Variants in STK40 observed in about 807,000 individuals in gnomAD.
STK40 encodes serine/threonine kinase 40.
A neutral mutation model predicts 47.9 loss-of-function variants in STK40; 13 were observed. The ratio of observed to expected loss-of-function variants is 0.27; its 90% CI spans 0.18 to 0.43. STK40 has a LOEUF of 0.43. Among genes scored for constraint, STK40 ranks in the 20% least tolerant of loss-of-function variants. The probability of loss-of-function intolerance (pLI) is 1.00; values close to 1 mark genes in which losing one functional copy is unlikely to be tolerated. For synonymous variants in STK40, 225 were observed against 243.2 expected, an observed-to-expected ratio of 0.93 and a Z score of 0.69; for missense variants, 460 against 595.1, an observed-to-expected ratio of 0.77 and a Z score of 2.36.
chr1:36,371,990 C>T (rs1467803868), intron 1 of STK40, among the ~76,000 whole-genome samples: 4 of 152,122 alleles, frequency 2.6e-5, no homozygotes, highest in East Asian at 1.9e-4. Context: ...GAGCAAGACT[C>T]CGTCTCAAAA....
intron 1 of STK40, among the ~76,000 whole-genome samples, chr1:36,370,758 A>G (rs1388007933): frequency 1.3e-5 from 2 of 152,184 alleles, no homozygotes; most frequent in African/African-American, 4.8e-5. Context: ...ATGATCCCTC[A>G]ATATCCATGG....
At chr1:36,359,533 G>A (rs950480230) in intron 2 of STK40, among the ~76,000 whole-genome samples, 1 of 152,254 alleles carries the variant, frequency 6.6e-6, no homozygotes, top group Non-Finnish European at 1.5e-5. Flanking sequence ...CCCTGTCCAA[G>A]TGCCAGCTTT....
intron 2 of STK40, among the ~76,000 whole-genome samples, chr1:36,360,415 A>C (rs1283235145): frequency 2.6e-5 from 4 of 152,214 alleles, no homozygotes; most frequent in Non-Finnish European, 4.4e-5. Flanking sequence ...GTGCCAATTT[A>C]AATAAATTTG....
At chr1:36,351,359 T>G (rs1242326564) in intron 6 of STK40, among the ~76,000 whole-genome samples, 2 of 151,984 alleles carry the variant, frequency 1.3e-5, no homozygotes, top group Non-Finnish European at 2.9e-5. Context: ...ACTGCTCCAG[T>G]GGAGTTATAG....
intron 9 of STK40, 33 bp downstream of exon 9, chr1:36,343,827 G>C: frequency 6.5e-7 from 1 of 1,549,306 alleles, no homozygotes; most frequent in South Asian, 1.2e-5. Flanking sequence ...TGAGGACGCA[G>C]CCTTGTGCCC....
Position 36,355,326 on chromosome 1 carries a change from G to A in STK40, c.450C>T (p.Ser150=), listed in dbSNP as rs11263875. 0.11 allele frequency: 178,859 copies of A among 1,614,040 alleles called. 10,665 individuals are homozygous for A. Among genetic ancestry groups the A allele is most frequent in the Middle Eastern group, 0.21 (1,296 of 6,060 alleles). ...GGTTGATGAGGTCAGCGGTCTTATC[G>A]CTGAAGTCATGAGCACAGAGGCAGT... The part of the protein sequence containing the change: ...VLDCLCAHDF[S]DKTADLINLQ... Residue 150 remains serine, a synonymous_variant, in exon 5 of 11, where the codon AGC becomes AGT. Transcript: ENST00000373132.
intron 7 of STK40, among the ~76,000 whole-genome samples, chr1:36,346,853 C>CTGCA (rs1646706844): frequency 6.6e-6 from 1 of 152,188 alleles, no homozygotes; most frequent in African/African-American, 2.4e-5. Flanking sequence ...AGCCTGAGCC[C>CTGCA]TGCAAACAGG....
chr1:36,360,054 CCTT>C (rs1646838362), intron 2 of STK40, among the ~76,000 whole-genome samples: 1 of 152,160 alleles, frequency 6.6e-6, no homozygotes, highest in Admixed American at 6.5e-5. Context: ...CGTGGAACTT[CCTT>C]CAAGGCACTT....
At position 36,358,256 on chromosome 1, in the gene STK40, G is replaced by T; in HGVS notation, c.325C>A (p.His109Asn). The T allele has an allele frequency of 6.3e-7, 1 of 1,593,882 alleles. No homozygotes were observed. The change falls in exon 4 of 11, where the codon CAC (histidine) becomes AAC (asparagine). Residue 109 changes from histidine (H) to asparagine (N), a missense_variant. By Grantham distance (68) the His-to-Asn change is moderately conservative. This residue lies in a region of STK40 where 277 missense variants were observed against 358.7 expected (regional missense o/e 0.77). Coordinates refer to ENST00000373132, the MANE Select transcript of STK40 (RefSeq NM_001282547.2). ...LLHTQDGVVH[H>N]HGLFQDRTCE... Reference sequence around the variant, plus strand: ...CCGCTCACCTGGAAGAGGCCGTGGTGGTGCACCACGCCATCCTGCGTGTGC... The same window carrying T: ...CCGCTCACCTGGAAGAGGCCGTGGTTGTGCACCACGCCATCCTGCGTGTGC...
intron 1 of STK40, among the ~76,000 whole-genome samples, chr1:36,376,015 T>TC (rs1158289829): frequency 6.9e-6 from 1 of 144,148 alleles, no homozygotes; most frequent in African/African-American, 2.6e-5. Context: ...AGAGCAAAAC[T>TC]CCATCTCAAA....
intron 2 of STK40, among the ~76,000 whole-genome samples, chr1:36,360,038 C>T (rs942671662): frequency 3.1e-4 from 47 of 152,200 alleles, no homozygotes; most frequent in Admixed American, 2.4e-3. Context: ...TCTCATCTCA[C>T]GTCATCGTGG....
Position 36,343,875 on chromosome 1 carries a change from G to A in STK40, c.989C>T (p.Ala330Val). Residue 330 changes from alanine (A) to valine (V), a missense_variant, in exon 9 of 11, where the codon GCC (alanine) becomes GTC (valine). Physicochemically the swap from Ala to Val is moderately conservative, Grantham distance 64. Coordinates refer to ENST00000373132, the MANE Select transcript of STK40 (RefSeq NM_001282547.2). ...GTCCACTTACCATGATGCAATGATG[G>A]CACTGAGGGCCTCCAGGACGTCGGC... ...AAADVLEALS[A>V]IIASWQSLSS... 6.3e-7 allele frequency: 1 copy of A among 1,599,684 alleles called. No homozygotes were observed. Among genetic ancestry groups the A allele is most frequent in the Non-Finnish European group, 8.5e-7 (1 of 1,169,960 alleles).
intron 1 of STK40, among the ~76,000 whole-genome samples, chr1:36,363,193 C>T (rs911945432): frequency 6.6e-6 from 1 of 151,928 alleles, no homozygotes; most frequent in African/African-American, 2.4e-5. Flanking sequence ...GGGCGCCTGT[C>T]TCGGGAGGCT....
chr1:36,342,193 A>G (rs1330453439), intron 10 of STK40: 7 of 577,212 alleles, frequency 1.2e-5, no homozygotes, highest in Non-Finnish European at 2.2e-5. Context: ...CGCCCTGCGG[A>G]CCCGGGACTG....
intron 1 of STK40, among the ~76,000 whole-genome samples, chr1:36,363,062 C>T (rs1001166235): frequency 6.6e-6 from 1 of 151,952 alleles, no homozygotes; most frequent in Admixed American, 6.6e-5. Flanking sequence ...GGCTGAGGCA[C>T]GAGAATCGCT....
intron 2 of STK40, among the ~76,000 whole-genome samples, chr1:36,359,749 T>C (rs553123584): frequency 6.6e-6 from 1 of 152,358 alleles, no homozygotes; most frequent in South Asian, 2.1e-4. Flanking sequence ...AACTCCTTTG[T>C]CTGGCCCCCA....
intron 1 of STK40, among the ~76,000 whole-genome samples, chr1:36,384,586 T>C (rs1004737611): frequency 6.6e-6 from 1 of 152,230 alleles, no homozygotes; most frequent in Non-Finnish European, 1.5e-5. Flanking sequence ...AGCTGGAAAG[T>C]TGCTGAGCCA....
Position 36,361,963 on chromosome 1 carries a change from C to A in STK40, c.-8-623G>T, listed in dbSNP as rs1557516010. On this transcript the variant is annotated intron_variant, in intron 1 of 10. Coordinates refer to ENST00000373132, the MANE Select transcript of STK40 (RefSeq NM_001282547.2). ...GGTCCTCTCAGATGAAAGAACCCCC[C>A]AAAGTTGTCAATGGCAGGGTTTACT... 2.0e-5 allele frequency among the ~76,000 whole-genome samples: 3 copies of A among 152,154 alleles called. 1 individual carries two copies. The South Asian group carries it at 6.2e-4, about 32-fold the overall frequency.
intron 7 of STK40, among the ~76,000 whole-genome samples, chr1:36,347,159 G>A (rs570571950): frequency 6.6e-6 from 1 of 152,196 alleles, no homozygotes; most frequent in African/African-American, 2.4e-5. Context: ...AGTTGTAAGT[G>A]CTTGTATTAC....
Sources: allele counts gnomAD v4.1 joint callset (sites outside exome capture counted in the v4.1 genomes callset), GRCh38; gene constraint gnomAD v4.1.1; regional missense constraint gnomAD v4.1.1; transcripts MANE v1.5; gene names NCBI Gene and HGNC (gene_info 2026-07-23, HGNC 2026-07-21).